HLCS: variants seen among roughly 807,000 people sequenced by gnomAD.
HLCS encodes holocarboxylase synthetase, also known as biotin--protein ligase.
A neutral mutation model predicts 75.0 loss-of-function variants in HLCS; 53 were observed. The ratio of observed to expected loss-of-function variants is 0.71; its 90% CI spans 0.57 to 0.89. HLCS has a LOEUF of 0.89. Among genes scored for constraint, HLCS ranks in the 40% least tolerant of loss-of-function variants. The pLI, the probability that HLCS is intolerant of heterozygous loss-of-function variation, is 0.00. For synonymous variants in HLCS, 431 were observed against 428.6 expected, an observed-to-expected ratio of 1.01 and a Z score of -0.07; for missense variants, 966 against 1,074.0, an observed-to-expected ratio of 0.90 and a Z score of 1.41.
chr21:36,910,389 T>C (rs1380934643), intron 5 of HLCS, among the ~76,000 whole-genome samples: 1 of 151,792 alleles, frequency 6.6e-6, no homozygotes, highest in Non-Finnish European at 1.5e-5. Flanking sequence ...TACTAAAAAA[T>C]ACAAAAATTA....
rs2062650613 is a variant in HLCS, at chr21:36,842,509, G to A, written c.1892+54351C>T. On this transcript the variant is annotated intron_variant, in intron 6 of 10. Coordinates refer to ENST00000674895, the MANE Select transcript of HLCS (RefSeq NM_001352514.2). The surrounding 1 kb of genome is among the most constrained non-coding windows in gnomAD (Gnocchi z 4.2). ...AATCCCAGCACTTCGGGAGGCCAAG[G>A]TGGGCAGATCACATGAGGCCAGGAG... Among the ~76,000 whole-genome samples the A allele has an allele frequency of 6.6e-6, 1 of 152,304 alleles. No homozygotes were observed. Among genetic ancestry groups the A allele is most frequent in the African/African-American group, 2.4e-5 (1 of 41,562 alleles).
chr21:36,977,270 T>C (rs1381407711), intron 1 of HLCS, among the ~76,000 whole-genome samples: 2 of 152,106 alleles, frequency 1.3e-5, no homozygotes, highest in South Asian at 2.1e-4. Context: ...GAGAAATCTG[T>C]GAGCAGTTTC....
chr21:36,843,763 G>A (rs1322916509), intron 6 of HLCS, among the ~76,000 whole-genome samples: 1 of 146,896 alleles, frequency 6.8e-6, no homozygotes, highest in Non-Finnish European at 1.6e-5. Context: ...AACACTTAAG[G>A]AGGTCGAGAG....
rs1392505625 is a variant in HLCS, at chr21:36,937,340, G to C, written c.546C>G (p.Asn182Lys). The change falls in exon 4 of 11, where the codon AAC becomes AAG. Residue 182 changes from asparagine (N) to lysine (K), a missense_variant. Transcript: ENST00000674895. ...TCGGCTCTAGGATCTGGGCTTGCTT[G>C]TTTGAGACCTGATCCTTAACTTCCT... is the stretch of plus-strand genomic sequence containing the variant. ...TLKEVKDQVS[N>K]KQAQILEPKP... The C allele has an allele frequency of 6.2e-7, 1 of 1,613,974 alleles. No homozygotes were observed. The highest frequency in any genetic ancestry group is 8.5e-7 in the Non-Finnish European group (1 of 1,180,048).
At chr21:36,940,885 C>T (rs1436983924) in intron 2 of HLCS, among the ~76,000 whole-genome samples, 1 of 152,172 alleles carries the variant, frequency 6.6e-6, no homozygotes, top group Non-Finnish European at 1.5e-5. Context: ...ATGCTGTTCT[C>T]GTGATAGTGA....
intron 6 of HLCS, among the ~76,000 whole-genome samples, chr21:36,795,519 G>A (rs147451965): frequency 6.6e-6 from 1 of 152,298 alleles, no homozygotes; most frequent in Non-Finnish European, 1.5e-5. Context: ...CCTAGCATAC[G>A]GTAGTCATTT....
chr21:36,977,925 G>A (rs1057288488), intron 1 of HLCS, among the ~76,000 whole-genome samples: 4 of 152,302 alleles, frequency 2.6e-5, no homozygotes, highest in Non-Finnish European at 2.9e-5. Context: ...GAAGGGCAAC[G>A]CGCTTTCACT....
At chr21:36,859,155 T>TG (rs1228726562) in intron 6 of HLCS, among the ~76,000 whole-genome samples, 1 of 152,240 alleles carries the variant, frequency 6.6e-6, no homozygotes, top group Non-Finnish European at 1.5e-5. Context: ...CCTGAGTAGC[T>TG]GGGATTACAG....
intron 2 of HLCS, among the ~76,000 whole-genome samples, chr21:36,948,806 G>T (rs561476387): frequency 1.3e-5 from 2 of 148,314 alleles, no homozygotes; most frequent in African/African-American, 5.0e-5. Flanking sequence ...AAGTAACAGC[G>T]TAAGAGTTAT....
chr21:36,985,576 G>A (rs1375601028), intron 1 of HLCS, among the ~76,000 whole-genome samples: 1 of 152,198 alleles, frequency 6.6e-6, no homozygotes, highest in Non-Finnish European at 1.5e-5. Flanking sequence ...GACCATCCTG[G>A]CCAAAGTAGT....
chr21:36,765,401 A>G (rs564779028), intron 7 of HLCS, among the ~76,000 whole-genome samples: 2 of 152,376 alleles, frequency 1.3e-5, no homozygotes, highest in East Asian at 1.9e-4. Context: ...TTCTGTGAGC[A>G]TATCATTTGT....
rs759245601 is a variant in HLCS, at chr21:36,754,136, C to T, written c.*110G>A. 5 of 1,161,506 alleles carry T rather than the reference C, an allele frequency of 4.3e-6. No individual in the cohort carries two copies. Among genetic ancestry groups the T allele is most frequent in the Admixed American group, 2.0e-5 (1 of 49,266 alleles). 71.9% of individuals were successfully genotyped at this position (1,161,506 alleles called of 1,614,324 possible). A position where few individuals can be genotyped will look rare whatever the true frequency, so the allele number is the denominator to read the frequency against. On this transcript the variant is annotated 3_prime_UTR_variant, in exon 11 of 11. Transcript: ENST00000674895. Reference sequence around the variant, plus strand: ...AACAAACAGAAACACAGAAAAAGAACAAAGACTTAACAAATGAATTGGAGG... The same window carrying T: ...AACAAACAGAAACACAGAAAAAGAATAAAGACTTAACAAATGAATTGGAGG...
intron 5 of HLCS, among the ~76,000 whole-genome samples, chr21:36,919,432 T>C (rs2146440019): frequency 6.6e-6 from 1 of 152,344 alleles, no homozygotes; most frequent in South Asian, 2.1e-4. Flanking sequence ...ATATGGTTGT[T>C]ATGTCCTGAG....
intron 6 of HLCS, among the ~76,000 whole-genome samples, chr21:36,881,961 C>T (rs2064237352): frequency 6.6e-6 from 1 of 152,078 alleles, no homozygotes; most frequent in African/African-American, 2.4e-5. Flanking sequence ...CAAGATTGTG[C>T]CACTGCACTC....
At chr21:36,770,070 T>G (rs1284380304) in intron 6 of HLCS, among the ~76,000 whole-genome samples, 1 of 151,696 alleles carries the variant, frequency 6.6e-6, no homozygotes, top group Non-Finnish European at 1.5e-5. Context: ...TTCTGAAGAC[T>G]ATATAGCAAC....
At chr21:36,782,403 G>C (rs2060561707) in intron 6 of HLCS, among the ~76,000 whole-genome samples, 1 of 152,152 alleles carries the variant, frequency 6.6e-6, no homozygotes, top group African/African-American at 2.4e-5. Flanking sequence ...TGGGTAGTAA[G>C]ACAATGAGTT....
At chr21:36,894,116 AG>A (rs2064908650) in intron 6 of HLCS, among the ~76,000 whole-genome samples, 1 of 152,142 alleles carries the variant, frequency 6.6e-6, no homozygotes, top group Non-Finnish European at 1.5e-5. Flanking sequence ...GTTGTTTAAA[AG>A]TGTGTGACAC....
chr21:36,837,969 G>A (rs2062472250), intron 6 of HLCS, among the ~76,000 whole-genome samples: 1 of 152,174 alleles, frequency 6.6e-6, no homozygotes, highest in Admixed American at 6.5e-5. Flanking sequence ...TTATACACTT[G>A]ATAAGTTTCC....
At chr21:36,759,930 C>A in intron 8 of HLCS, 89 bp from the exon 9 acceptor site, 1 of 838,664 alleles carries the variant, frequency 1.2e-6, no homozygotes. Context: ...AAGCAGAAAC[C>A]AAGGTAACAT....
Sources: gnomAD v4.1 joint callset for allele counts (sites outside exome capture counted in the v4.1 genomes callset) on GRCh38, gnomAD v4.1.1 for gene constraint, Gnocchi (gnomAD v3.1) non-coding constraint, MANE v1.5 for transcripts, NCBI Gene and HGNC (gene_info 2026-07-23, HGNC 2026-07-21) for gene names.